CADM2: variants seen among roughly 807,000 people sequenced by gnomAD.
CADM2 encodes immunoglobulin superfamily member 4D.
CADM2 carries 12 observed loss-of-function variants against 49.8 expected under a neutral mutation model. The ratio of observed to expected loss-of-function variants is 0.24; its 90% CI spans 0.15 to 0.39. CADM2 has a LOEUF of 0.39. CADM2 is among the 10% of genes least tolerant of loss of function. CADM2 has a pLI of 1.00. For synonymous variants in CADM2, 214 were observed against 175.4 expected (o/e 1.22, Z -1.74); for missense variants, 378 against 492.3 (o/e 0.77, Z 2.20).
In CADM2 at chr3:85,273,402, G is replaced by A. The variant is rs757101045; in HGVS notation, c.61+313734G>A. ...TGTGTTGAGTAAAATCTTTAAAAAAGACTTAGAGGAATTGTGAGACTACTG... is the reference window on the plus strand; with the variant it reads ...TGTGTTGAGTAAAATCTTTAAAAAAAACTTAGAGGAATTGTGAGACTACTG... On this transcript the variant is annotated intron_variant, in intron 1 of 9. Transcript: ENST00000383699. Among the ~76,000 whole-genome samples, 177 of 151,404 alleles carry A rather than the reference G, an allele frequency of 1.2e-3. 1 individual carries two copies. The highest frequency in any genetic ancestry group is 6.2e-4 in the South Asian group (3 of 4,816).
At chr3:85,948,218 G>A (rs9879903) in intron 7 of CADM2, among the ~76,000 whole-genome samples, 104,275 of 151,362 alleles carry the variant, frequency 0.69, 37,145 homozygotes, top group African/African-American at 0.89. Flanking sequence ...GCAGAAAAAT[G>A]AATAATCACT....
At chr3:85,435,265 G>T (rs1172838588) in intron 1 of CADM2, among the ~76,000 whole-genome samples, 1 of 152,016 alleles carries the variant, frequency 6.6e-6, no homozygotes, top group Non-Finnish European at 1.5e-5. Context: ...AGGACATGTG[G>T]TGTTTGGTTT....
intron 1 of CADM2, among the ~76,000 whole-genome samples, chr3:85,066,638 A>C (rs1056415178): frequency 6.6e-6 from 1 of 152,072 alleles, no homozygotes; most frequent in Non-Finnish European, 1.5e-5. Flanking sequence ...CATCCCATCA[A>C]AAACATCCCT....
At chr3:85,142,167 T>TA (rs969403565) in intron 1 of CADM2, among the ~76,000 whole-genome samples, 13 of 152,210 alleles carry the variant, frequency 8.5e-5, no homozygotes, top group African/African-American at 2.9e-4. Flanking sequence ...TGCAACAACA[T>TA]AAAACAATTC....
chr3:85,067,884 A>G (rs945526605), intron 1 of CADM2, among the ~76,000 whole-genome samples: 1 of 152,174 alleles, frequency 6.6e-6, no homozygotes, highest in Non-Finnish European at 1.5e-5. Flanking sequence ...TCACCTTTGT[A>G]TACAAGGCAA....
intron 8 of CADM2, chr3:86,013,305 T>C: frequency 6.5e-7 from 1 of 1,541,456 alleles, no homozygotes; most frequent in South Asian, 1.1e-5. Flanking sequence ...TTTACCTCTA[T>C]CCCTTGAAGA....
At chr3:85,407,837 CA>C (rs2035461813) in intron 1 of CADM2, among the ~76,000 whole-genome samples, 1 of 151,524 alleles carries the variant, frequency 6.6e-6, no homozygotes, top group African/African-American at 2.4e-5. Flanking sequence ...AAAAACAAAA[CA>C]AAGCAAACAA....
chr3:85,323,710 T>C (rs1344835575), intron 1 of CADM2, among the ~76,000 whole-genome samples: 1 of 152,208 alleles, frequency 6.6e-6, no homozygotes, highest in African/African-American at 2.4e-5. Flanking sequence ...TTCCAATACA[T>C]TTCTAGACTT....
chr3:85,553,514 A>G (rs111917713), intron 1 of CADM2, among the ~76,000 whole-genome samples: 3,314 of 115,724 alleles, frequency 0.029, 162 homozygotes, highest in East Asian at 0.27. Flanking sequence ...TTTATAAAAC[A>G]AGAAAATTCT....
intron 3 of CADM2, among the ~76,000 whole-genome samples, chr3:85,868,413 C>T (rs867573162): frequency 6.6e-6 from 1 of 152,188 alleles, no homozygotes; most frequent in African/African-American, 2.4e-5. Context: ...ACAGAAACGA[C>T]TTTCACTAGA....
intron 1 of CADM2, among the ~76,000 whole-genome samples, chr3:85,347,441 T>A (rs1189831848): frequency 8.3e-6 from 1 of 120,816 alleles, no homozygotes; most frequent in Non-Finnish European, 1.8e-5. Flanking sequence ...TAGCCAATTT[T>A]TGGAAGAAAG....
chr3:85,515,623 A>C, intron 1 of CADM2, among the ~76,000 whole-genome samples: 1 of 115,712 alleles, frequency 8.6e-6, no homozygotes. Flanking sequence ...ATATATATAT[A>C]TATATATATT....
At chr3:85,931,393 T>C (rs1720570594) in intron 6 of CADM2, among the ~76,000 whole-genome samples, 1 of 152,040 alleles carries the variant, frequency 6.6e-6, no homozygotes, top group Non-Finnish European at 1.5e-5. Flanking sequence ...CAGTGAGCTG[T>C]GATCACACCC....
At chr3:85,028,738 C>T (rs1317139636) in intron 1 of CADM2, among the ~76,000 whole-genome samples, 6 of 151,964 alleles carry the variant, frequency 3.9e-5, no homozygotes, top group Admixed American at 3.3e-4. Context: ...CCTTATTAGA[C>T]AGGTCTCAAT....
At chr3:85,071,097 TG>T in intron 1 of CADM2, among the ~76,000 whole-genome samples, 1 of 152,022 alleles carries the variant, frequency 6.6e-6, no homozygotes, top group Middle Eastern at 3.4e-3. Flanking sequence ...CCATAAGAAA[TG>T]TTAAATAATT....
intron 1 of CADM2, among the ~76,000 whole-genome samples, chr3:85,355,893 G>A (rs1408076317): frequency 2.0e-5 from 3 of 151,954 alleles, no homozygotes; most frequent in African/African-American, 4.8e-5. Flanking sequence ...TGCTGCACAC[G>A]TTTCATGTTT....
chr3:85,784,959 T>C (rs746822902), intron 2 of CADM2, among the ~76,000 whole-genome samples: 1 of 152,128 alleles, frequency 6.6e-6, no homozygotes, highest in African/African-American at 2.4e-5. Flanking sequence ...TTCTATCTTG[T>C]TACTTTTTAT....
chr3:85,979,236 C>G, intron 8 of CADM2: 1 of 1,610,962 alleles, frequency 6.2e-7, no homozygotes, highest in Non-Finnish European at 8.5e-7. Context: ...ACCACTGTAG[C>G]CATAACAACC....
At chr3:85,979,861 A>G (rs1391464066) in intron 8 of CADM2, among the ~76,000 whole-genome samples, 2 of 151,760 alleles carry the variant, frequency 1.3e-5, no homozygotes, top group African/African-American at 4.8e-5. Flanking sequence ...CTAAAAGTAA[A>G]TATCTGTTGT....
Sources: gnomAD v4.1 joint callset for allele counts (sites outside exome capture counted in the v4.1 genomes callset) on GRCh38, gnomAD v4.1.1 for gene constraint, MANE v1.5 for transcripts, NCBI Gene and HGNC (gene_info 2026-07-23, HGNC 2026-07-21) for gene names.